The following LRRC37B variants were observed in gnomAD, a reference collection of about 807,000 sequenced individuals.
LRRC37B encodes the protein leucine-rich repeat-containing protein 37B.
A neutral mutation model predicts 98.3 loss-of-function variants in LRRC37B; 28 were observed. The observed-to-expected ratio is 0.28, with a 90% CI of 0.21 to 0.39. The LOEUF is 0.39. Ranked by LOEUF, LRRC37B falls within the 10% of genes least tolerant of loss-of-function variation. The pLI is 1.00. For missense variants in LRRC37B, 938 were observed against 1,182.7 expected, an observed-to-expected ratio of 0.79 and a Z score of 3.03; for synonymous variants, 364 against 442.7, an observed-to-expected ratio of 0.82 and a Z score of 2.23.
intron 1 of LRRC37B, among the ~76,000 whole-genome samples, chr17:32,010,925 CCT>C (rs1910510650): frequency 6.6e-6 from 1 of 152,160 alleles, no homozygotes; most frequent in Non-Finnish European, 1.5e-5. Flanking sequence ...AACATAATGT[CCT>C]CCAGTTCTAT....
chr17:32,044,406 A>G (rs1319662197), intron 7 of LRRC37B, among the ~76,000 whole-genome samples: 5 of 152,188 alleles, frequency 3.3e-5, no homozygotes, highest in Admixed American at 3.3e-4. Context: ...TTTGAGTCAA[A>G]GATAGTTGTC....
exon 1 of LRRC37B, chr17:32,021,297 C>A: frequency 2.5e-6 from 4 of 1,613,484 alleles, no homozygotes; most frequent in Non-Finnish European, 3.4e-6. Context: ...CTGGTCTTCC[C>A]GCTCCTCCCA....
rs1176985851 is a variant in LRRC37B at position 32,043,132 on chromosome 17, A to G, written c.2205-2568A>G. On this transcript the variant is annotated intron_variant, in intron 7 of 11. Coordinates refer to ENST00000327564, the Ensembl canonical transcript of LRRC37B. ...ATAAACATACACACATGGAAAGGAA[A>G]TGTGGCAAAGTATTAGCTACTGTTG... is the stretch of plus-strand genomic sequence containing the variant. 1.5e-4 allele frequency among the ~76,000 whole-genome samples: 23 copies of G among 152,346 alleles called. No homozygotes were observed. The South Asian group carries it at 3.7e-3, about 25-fold the overall frequency.
chr17:32,026,616 A>T (rs1180854828), intron 2 of LRRC37B, among the ~76,000 whole-genome samples: 1 of 152,142 alleles, frequency 6.6e-6, no homozygotes, highest in East Asian at 1.9e-4. Flanking sequence ...TTGAGTAGAG[A>T]CAGAGTTTCA....
At chr17:32,047,672 C>G (rs1243904409) in intron 8 of LRRC37B, 89 bp from the exon 12 acceptor site, 3 of 1,586,958 alleles carry the variant, frequency 1.9e-6, no homozygotes, top group African/African-American at 1.3e-5. Flanking sequence ...GACTCTTACT[C>G]TGTGTGACTG....
chr17:32,045,821 G>C lies in LRRC37B; in HGVS notation c.2323+3G>C. On this transcript the variant is annotated splice_donor_region_variant and intron_variant, in intron 8 of 11. Transcript: ENST00000327564. ...TCTGACTAACAGCATACATTGTCGT[G>C]AGTCCAAATTGCCTGGTGATAAATT... 6.3e-7 allele frequency: 1 copy of C among 1,598,702 alleles called. No homozygotes were observed. The highest frequency in any genetic ancestry group is 1.1e-5 in the South Asian group (1 of 90,862).
Position 32,022,443 on chromosome 17 carries a change from G to T in LRRC37B, c.1378G>T (p.Val460Phe), listed in dbSNP as rs1467261601. The stretch of plus-strand genomic sequence containing the variant: ...CATAACTACAGAGCCTACTACAGAG[G>T]TTAAACCGTCTCCAACCACGGAGGA... Residue 460 changes from valine to phenylalanine, a missense_variant, in exon 1 of 12, where the codon GTT becomes TTT. Val to Phe is a conservative substitution (Grantham distance 50, BLOSUM62 -1). Around this residue, in one of 2 missense-constraint regions of LRRC37B, gnomAD observed 610 missense variants for 625.6 expected, o/e 0.98. Transcript: ENST00000327564. 2.5e-6 allele frequency: 4 copies of T among 1,612,874 alleles called. No individual in the cohort carries two copies. In the Admixed American group the frequency reaches 5.0e-5, roughly 20 times the overall value.
Position 32,045,694 on chromosome 17 carries a change from C to G in LRRC37B, c.2205-6C>G, listed in dbSNP as rs768297866. The G allele has an allele frequency of 6.2e-7, 1 of 1,605,172 alleles. No homozygotes were observed. Among genetic ancestry groups the G allele is most frequent in the African/African-American group, 1.3e-5 (1 of 74,920 alleles). On this transcript the variant is annotated splice_region_variant and splice_polypyrimidine_tract_variant and intron_variant, in intron 7 of 11. Coordinates refer to ENST00000327564, the Ensembl canonical transcript of LRRC37B. ...CTAATTTATTGTTTTGTGTTTTCAT[C>G]TATAGGATCTTACCTAGCCATATGG...
At chr17:32,041,548 G>A (rs756771435) in intron 7 of LRRC37B, 39 of 499,672 alleles carry the variant, frequency 7.8e-5, no homozygotes, top group African/African-American at 3.1e-4. Context: ...CCCCCGCCCC[G>A]CCCCTCCATC....
chr17:32,033,096 G>A (rs1470611669), intron 5 of LRRC37B, among the ~76,000 whole-genome samples: 3 of 152,238 alleles, frequency 2.0e-5, no homozygotes, highest in Non-Finnish European at 4.4e-5. Flanking sequence ...CCCAGGAGGC[G>A]GAGGTTGCAG....
At chr17:32,020,060 G>A (rs1348151113), upstream of LRRC37B, among the ~76,000 whole-genome samples, 1 of 152,142 alleles carries the variant, frequency 6.6e-6, no homozygotes, top group African/African-American at 2.4e-5. Flanking sequence ...GATCAGGCTG[G>A]TCTGGAACTT....
At chr17:32,039,479 A>AAT (rs1185838390) in intron 7 of LRRC37B, among the ~76,000 whole-genome samples, 1,227 of 38,258 alleles carry the variant, frequency 0.032, 21 homozygotes, top group Non-Finnish European at 0.035. Flanking sequence ...CCTGCCTAAA[A>AAT]ATATATATAT....
chr17:32,029,009 TA>T (rs1278576668), intron 3 of LRRC37B: 3 of 152,134 alleles, frequency 2.0e-5, no homozygotes, highest in African/African-American at 7.2e-5. Flanking sequence ...TTTTATTTAT[TA>T]TTTTTTTTTG....
In LRRC37B at chr17:32,026,159, C is replaced by T. The variant is rs1355660462; in HGVS notation, c.1832+1377C>T. Among the ~76,000 whole-genome samples the T allele has an allele frequency of 2.6e-5, 4 of 152,314 alleles. No individual in the cohort carries two copies. In the East Asian group the frequency reaches 7.7e-4, roughly 29 times the overall value. On this transcript the variant is annotated intron_variant, in intron 2 of 11. Coordinates refer to ENST00000327564, the Ensembl canonical transcript of LRRC37B. ...ACATTCAAAGTAACATTTTTCACAA[C>T]AGTTTGTGTCACATCATTAGTTTGA...
chr17:32,049,731 G>A (rs1351791107), intron 10 of LRRC37B, among the ~76,000 whole-genome samples: 11 of 152,154 alleles, frequency 7.2e-5, no homozygotes, highest in Non-Finnish European at 1.0e-4. Context: ...GCTGCGTGTG[G>A]TGACACGTGC....
chr17:32,034,540 A>G (rs1463847255), intron 5 of LRRC37B, among the ~76,000 whole-genome samples: 1 of 151,152 alleles, frequency 6.6e-6, no homozygotes, highest in Non-Finnish European at 1.5e-5. Context: ...TGAATTATAG[A>G]TGAACAACTT....
exon 1 of LRRC37B, chr17:32,021,836 C>T: frequency 1.9e-6 from 3 of 1,614,188 alleles, no homozygotes; most frequent in Non-Finnish European, 2.5e-6. Context: ...TGAGTATGGA[C>T]ACACTGTATC....
chr17:32,036,031 CT>C, intron 7 of LRRC37B: 1 of 203,370 alleles, frequency 4.9e-6, no homozygotes. Context: ...GAGACGGAGT[CT>C]CACTGTCACT....
exon 8 of LRRC37B, chr17:32,045,724 C>G (rs1203228772): frequency 1.9e-6 from 3 of 1,604,348 alleles, no homozygotes; most frequent in Non-Finnish European, 1.7e-6. Context: ...ATATGGCCTG[C>G]TGCCTCTGCC....
Sources: gnomAD v4.1 joint callset for allele counts (sites outside exome capture counted in the v4.1 genomes callset) on GRCh38, gnomAD v4.1.1 for gene constraint, gnomAD v4.1.1 regional missense constraint, MANE v1.5 for transcripts, NCBI Gene and HGNC (gene_info 2026-07-23, HGNC 2026-07-21) for gene names.